ASTN2: variants seen among roughly 807,000 people sequenced by gnomAD.
The protein encoded by ASTN2 is astrotactin 2.
In ASTN2, 54 loss-of-function variants were observed where a neutral mutation model predicts 139.8. That is an observed-to-expected ratio of 0.39 (90% confidence interval 0.31 to 0.48). ASTN2 has a LOEUF of 0.48. Among genes scored for constraint, ASTN2 ranks in the 20% least tolerant of loss-of-function variants. The probability of loss-of-function intolerance (pLI) is 0.95; values close to 1 mark genes in which losing one functional copy is unlikely to be tolerated. For synonymous variants in ASTN2, 756 were observed against 719.5 expected (o/e 1.05, Z -0.81); for missense variants, 1,565 against 1,725.1 (o/e 0.91, Z 1.64).
In ASTN2 at chr9:117,295,279, G is replaced by A. The variant is rs112441543; in HGVS notation, c.443-3766C>T. 4.8e-3 allele frequency among the ~76,000 whole-genome samples: 735 copies of A among 152,122 alleles called. 4 individuals are homozygous for A. Among genetic ancestry groups the A allele is most frequent in the African/African-American group, 0.016 (653 of 41,494 alleles). ...GGAGGTTGCAGGGAGCCAAGATTGC[G>A]CCACTGCACTCCAGCCTGGGCAACA... On this transcript the variant is annotated intron_variant, in intron 1 of 22. Coordinates refer to ENST00000313400, the MANE Select transcript of ASTN2 (RefSeq NM_001365068.1).
At chr9:116,830,803 A>AAAG (rs942669352) in intron 11 of ASTN2, among the ~76,000 whole-genome samples, 55 of 150,598 alleles carry the variant, frequency 3.7e-4, no homozygotes, top group Non-Finnish European at 7.7e-4. Flanking sequence ...AAAAAAAAAA[A>AAAG]AAGAAGAAGA....
intron 19 of ASTN2, among the ~76,000 whole-genome samples, chr9:116,497,438 C>A (rs908776178): frequency 6.6e-6 from 1 of 152,180 alleles, no homozygotes; most frequent in African/African-American, 2.4e-5. Flanking sequence ...AACCTCTTCC[C>A]TGTGATGCTC....
intron 14 of ASTN2, among the ~76,000 whole-genome samples, chr9:116,732,769 C>T (rs10983333): frequency 2.6e-5 from 4 of 152,170 alleles, no homozygotes; most frequent in African/African-American, 9.6e-5. Context: ...GGTGGGGGAG[C>T]GGCAAAGTGG....
At chr9:116,576,045 C>A (rs551645376) in intron 19 of ASTN2, among the ~76,000 whole-genome samples, 80 of 152,204 alleles carry the variant, frequency 5.3e-4, no homozygotes, top group African/African-American at 1.8e-3. Context: ...TCAATGAACC[C>A]AAAAGGTTAT....
At chr9:117,016,609 T>TATATGTTA (rs1564385671) in intron 6 of ASTN2, among the ~76,000 whole-genome samples, 7,096 of 15,546 alleles carry the variant, frequency 0.46, 1,305 homozygotes, top group Middle Eastern at 0.64. Context: ...TATATCTATA[T>TATATGTTA]CTATATCTAT....
At chr9:117,344,348 A>G (rs113950564) in intron 1 of ASTN2, among the ~76,000 whole-genome samples, 10 of 152,276 alleles carry the variant, frequency 6.6e-5, no homozygotes, top group African/African-American at 2.4e-4. Context: ...TGATGAAAGC[A>G]AAGGCAGTGT....
intron 20 of ASTN2, among the ~76,000 whole-genome samples, chr9:116,454,232 AAACT>A (rs1455229905): frequency 6.6e-6 from 1 of 152,252 alleles, no homozygotes; most frequent in Non-Finnish European, 1.5e-5. Flanking sequence ...ACAGAATACT[AAACT>A]AACCATACTG....
intron 22 of ASTN2, among the ~76,000 whole-genome samples, chr9:116,426,947 T>A (rs1328662665): frequency 1.3e-5 from 2 of 152,156 alleles, no homozygotes; most frequent in African/African-American, 2.4e-5. Flanking sequence ...AGGATCAAGG[T>A]TATGCTGAAG....
chr9:116,465,478 T>C (rs973093832), intron 20 of ASTN2, among the ~76,000 whole-genome samples: 1 of 152,186 alleles, frequency 6.6e-6, no homozygotes, highest in Non-Finnish European at 1.5e-5. Context: ...AACACATTAT[T>C]AAAATATTTA....
chr9:117,379,431 T>C (rs959113284), intron 1 of ASTN2, among the ~76,000 whole-genome samples: 2 of 152,090 alleles, frequency 1.3e-5, no homozygotes, highest in African/African-American at 4.8e-5. Flanking sequence ...CAAGGTGAAG[T>C]GATGGTGACT....
At chr9:116,771,471 C>A (rs1829951926) in intron 13 of ASTN2, among the ~76,000 whole-genome samples, 1 of 152,280 alleles carries the variant, frequency 6.6e-6, no homozygotes, top group Middle Eastern at 3.4e-3. Context: ...TTATGCTTAT[C>A]TTTCTCCCAC....
intron 20 of ASTN2, among the ~76,000 whole-genome samples, chr9:116,453,256 T>A (rs1377721796): frequency 2.6e-5 from 4 of 152,076 alleles, no homozygotes. Flanking sequence ...AGTTTTCCTA[T>A]CTGTAAAATG....
chr9:116,645,107 A>C (rs1275466905), intron 17 of ASTN2, among the ~76,000 whole-genome samples: 2 of 152,218 alleles, frequency 1.3e-5, no homozygotes, highest in Non-Finnish European at 2.9e-5. Flanking sequence ...AAGTCAGATC[A>C]CATAGACAGT....
At chr9:117,206,806 C>G (rs1269689035) in intron 3 of ASTN2, among the ~76,000 whole-genome samples, 3 of 152,154 alleles carry the variant, frequency 2.0e-5, no homozygotes, top group Non-Finnish European at 4.4e-5. Flanking sequence ...GTGGGAGAAG[C>G]CTCTGAGCCT....
At position 117,060,490 on chromosome 9, in the gene ASTN2, A is replaced by G. The variant is rs1322460586; in HGVS notation, c.1277-20525T>C. Among the ~76,000 whole-genome samples, 46 of 74,894 alleles carry G rather than the reference A, an allele frequency of 6.1e-4. 7 individuals are homozygous for G. Among genetic ancestry groups the G allele is most frequent in the East Asian group, 1.2e-3 (3 of 2,420 alleles). 49.1% of individuals were successfully genotyped at this position (74,894 alleles called of 152,430 possible). A position where few individuals can be genotyped will look rare whatever the true frequency, so the allele number is the denominator to read the frequency against. On this transcript the variant is annotated intron_variant, in intron 5 of 22. Transcript: ENST00000313400. ...GAAGGAAGGAAGGAAGGAAGGAATG[A>G]AAGAAAGAAAGAAAGAAAGAAAGGA... is the stretch of plus-strand genomic sequence containing the variant.
intron 3 of ASTN2, among the ~76,000 whole-genome samples, chr9:117,144,293 C>T (rs545938714): frequency 1.3e-5 from 2 of 152,252 alleles, no homozygotes; most frequent in South Asian, 4.1e-4. Flanking sequence ...TTAAGGCACC[C>T]AGTCTACAGG....
intron 2 of ASTN2, among the ~76,000 whole-genome samples, chr9:117,228,566 G>A (rs554102357): frequency 2.0e-5 from 3 of 152,196 alleles, no homozygotes; most frequent in African/African-American, 7.2e-5. Context: ...AATGAGAAGG[G>A]AAAAGAGAGA....
chr9:117,009,927 A>G (rs1453446640), intron 6 of ASTN2, among the ~76,000 whole-genome samples: 1 of 152,132 alleles, frequency 6.6e-6, no homozygotes, highest in Non-Finnish European at 1.5e-5. Context: ...AGACTGTGGG[A>G]GGAGAAGTTT....
intron 15 of ASTN2, among the ~76,000 whole-genome samples, chr9:116,727,593 T>C (rs538406794): frequency 1.3e-5 from 2 of 152,316 alleles, no homozygotes; most frequent in Admixed American, 1.3e-4. Flanking sequence ...TCCATCAACC[T>C]GTTAAGTAAT....
Sources: gnomAD v4.1 joint callset for allele counts (sites outside exome capture counted in the v4.1 genomes callset) on GRCh38, gnomAD v4.1.1 for gene constraint, MANE v1.5 for transcripts, NCBI Gene and HGNC (gene_info 2026-07-23, HGNC 2026-07-21) for gene names.